CALCOCO2: variants seen among roughly 807,000 people sequenced by gnomAD.
CALCOCO2 encodes calcium-binding and coiled-coil domain-containing protein 2.
Under a neutral mutation model 62.5 loss-of-function variants are expected in CALCOCO2, and 42 were observed. The observed-to-expected ratio is 0.67, with a 90% CI of 0.53 to 0.87. CALCOCO2 has a LOEUF of 0.87. Among genes scored for constraint, CALCOCO2 ranks in the 40% least tolerant of loss-of-function variants. The pLI, the probability that CALCOCO2 is intolerant of heterozygous loss-of-function variation, is 0.00. For missense variants in CALCOCO2, 456 were observed against 515.0 expected, an observed-to-expected ratio of 0.89 and a Z score of 1.11; for synonymous variants, 167 against 173.0, an observed-to-expected ratio of 0.97 and a Z score of 0.27.
chr17:48,836,869 T>G (rs2039901039), intron 1 of CALCOCO2, among the ~76,000 whole-genome samples: 1 of 151,876 alleles, frequency 6.6e-6, no homozygotes, highest in Admixed American at 6.6e-5. Context: ...TTCAAGCTAT[T>G]CTGCCTCAGC....
chr17:48,844,969 C>G (rs1280655304), intron 2 of CALCOCO2, among the ~76,000 whole-genome samples: 5 of 152,188 alleles, frequency 3.3e-5, no homozygotes, highest in South Asian at 4.1e-4. Context: ...AACCCCATCT[C>G]TACTAAAAAT....
chr17:48,857,784 C>T (rs1399369688), intron 10 of CALCOCO2, among the ~76,000 whole-genome samples: 1 of 148,456 alleles, frequency 6.7e-6, no homozygotes, highest in East Asian at 2.1e-4. Flanking sequence ...ACCATCCTGG[C>T]TAACACAGTG....
At chr17:48,850,917 T>TAA (rs35936083) in intron 5 of CALCOCO2, 172 bp from the exon 6 acceptor site, 189 of 358,612 alleles carry the variant, frequency 5.3e-4, no homozygotes, top group Non-Finnish European at 6.8e-4. Context: ...GACACTGTCT[T>TAA]AAAAAAAAAA....
chr17:48,864,515 C>G lies in CALCOCO2; in HGVS notation c.*1510C>G, dbSNP rs2040368817. The stretch of plus-strand genomic sequence containing the variant: ...AAGTAATAATTCCATTTTCTATCCC[C>G]TCAGGGACTGAACAAATGGAAATAA... On this transcript the variant is annotated 3_prime_UTR_variant, in exon 13 of 13. Coordinates refer to ENST00000258947, the MANE Select transcript of CALCOCO2 (RefSeq NM_005831.5). 6.5e-6 allele frequency: 1 copy of G among 153,136 alleles called. No individual in the cohort carries two copies. Among genetic ancestry groups the G allele is most frequent in the South Asian group, 2.1e-4 (1 of 4,860 alleles). 9.5% of individuals were successfully genotyped at this position (153,136 alleles called of 1,614,324 possible). A position where few individuals can be genotyped will look rare whatever the true frequency, so the allele number is the denominator to read the frequency against.
At chr17:48,852,477 C>T in intron 7 of CALCOCO2, 29 bp from the exon 8 acceptor site, 1 of 1,594,710 alleles carries the variant, frequency 6.3e-7, no homozygotes, top group Non-Finnish European at 8.6e-7. Context: ...TCTTTTATAT[C>T]TTGGTTATGT....
intron 10 of CALCOCO2, among the ~76,000 whole-genome samples, chr17:48,859,805 C>G (rs1383413988): frequency 6.6e-6 from 1 of 151,934 alleles, no homozygotes; most frequent in African/African-American, 2.4e-5. Flanking sequence ...TATTTAAATT[C>G]AGGTATAGGC....
At chr17:48,858,338 G>A (rs757440292) in intron 10 of CALCOCO2, among the ~76,000 whole-genome samples, 92 of 151,798 alleles carry the variant, frequency 6.1e-4, no homozygotes, top group Non-Finnish European at 1.1e-3. Flanking sequence ...TGTTTTGTTT[G>A]TTTGTTTGTT....
intron 2 of CALCOCO2, among the ~76,000 whole-genome samples, chr17:48,847,105 A>G (rs1450068181): frequency 6.6e-6 from 1 of 152,202 alleles, no homozygotes; most frequent in East Asian, 1.9e-4. Flanking sequence ...TATCTTTATT[A>G]CCAAAAAGCC....
chr17:48,837,561 G>C (rs540254790), intron 1 of CALCOCO2, among the ~76,000 whole-genome samples: 2 of 152,128 alleles, frequency 1.3e-5, no homozygotes, highest in Admixed American at 1.3e-4. Flanking sequence ...CAGGAGAATT[G>C]CTTGAACCCC....
chr17:48,858,545 G>A (rs1321617595), intron 10 of CALCOCO2, among the ~76,000 whole-genome samples: 1 of 151,968 alleles, frequency 6.6e-6, no homozygotes, highest in Non-Finnish European at 1.5e-5. Flanking sequence ...GCCCAAGCTG[G>A]TGTTGAACTC....
intron 9 of CALCOCO2, among the ~76,000 whole-genome samples, chr17:48,854,241 G>C (rs894150702): frequency 4.8e-5 from 7 of 145,530 alleles, no homozygotes; most frequent in Non-Finnish European, 9.0e-5. Flanking sequence ...GCTTGAACCT[G>C]GGAGGCGGAG....
Position 48,852,623 on chromosome 17 carries a change from G to T in CALCOCO2, c.820G>T (p.Glu274Ter). Residue 274 changes from glutamate to a stop codon, truncating the protein, a stop_gained, in exon 8 of 13, where the codon GAA (glutamate) becomes TAA (stop). Transcript: ENST00000258947. LOFTEE classifies it high-confidence loss of function. The part of the protein sequence containing the change: ...ENDHLFLSLT[E>*]QRKDQKKLEQ... Reference sequence around the variant, plus strand: ...TGACCACCTCTTTCTCAGTTTAACTGAACAGGTAGAGTCATGAGAGAAAAC... The same window carrying T: ...TGACCACCTCTTTCTCAGTTTAACTTAACAGGTAGAGTCATGAGAGAAAAC... 6.2e-7 allele frequency: 1 copy of T among 1,613,636 alleles called. No homozygotes were observed. The highest frequency in any genetic ancestry group is 1.1e-5 in the South Asian group (1 of 91,006).
chr17:48,850,425 C>G (rs978258556), intron 5 of CALCOCO2, among the ~76,000 whole-genome samples: 2 of 152,184 alleles, frequency 1.3e-5, no homozygotes, highest in South Asian at 2.1e-4. Context: ...CCACTGCACT[C>G]CAGCCTGAGC....
chr17:48,862,698 C>T lies in CALCOCO2; in HGVS notation c.1174-140C>T, dbSNP rs541525424. On this transcript the variant is annotated intron_variant, in intron 12 of 12. Coordinates refer to ENST00000258947, the MANE Select transcript of CALCOCO2 (RefSeq NM_005831.5). ...AGCATCTTCAAATGTGCATTCTCTT[C>T]ATTCATTCACTATTTCTTGAGTGCC... 4.1e-5 allele frequency: 28 copies of T among 680,466 alleles called. No individual in the cohort carries two copies. The South Asian group carries it at 4.9e-4, about 12-fold the overall frequency. 42.2% of individuals were successfully genotyped at this position (680,466 alleles called of 1,614,324 possible). A position where few individuals can be genotyped will look rare whatever the true frequency, so the allele number is the denominator to read the frequency against.
intron 10 of CALCOCO2, among the ~76,000 whole-genome samples, chr17:48,856,905 C>T (rs1399794523): frequency 4.6e-5 from 7 of 151,574 alleles, no homozygotes; most frequent in South Asian, 2.1e-4. Flanking sequence ...CTCAAGTGAT[C>T]GTCCTGCCAC....
rs1169441639 is a variant in CALCOCO2, at chr17:48,864,101, T to C, written c.*1096T>C. On this transcript the variant is annotated 3_prime_UTR_variant, in exon 13 of 13. Coordinates refer to ENST00000258947, the MANE Select transcript of CALCOCO2 (RefSeq NM_005831.5). Reference sequence around the variant, plus strand: ...TTTTTTTTTTGAAACAGTCTCTCTCTGTCACCCAGGCTGGCGTGCAATGGC... The same window carrying C: ...TTTTTTTTTTGAAACAGTCTCTCTCCGTCACCCAGGCTGGCGTGCAATGGC... 7 of 145,364 alleles carry C rather than the reference T, an allele frequency of 4.8e-5. No individual in the cohort carries two copies. The highest frequency in any genetic ancestry group is 1.8e-4 in the African/African-American group (7 of 39,768). The allele number at this position is 145,364 out of a possible 1,614,324, so 9.0% of individuals were successfully genotyped here.
chr17:48,834,004 C>T (rs2039854300), intron 1 of CALCOCO2, among the ~76,000 whole-genome samples: 1 of 151,234 alleles, frequency 6.6e-6, no homozygotes, highest in African/African-American at 2.4e-5. Context: ...CCTAGGGTCC[C>T]AGCTACTCCA....
chr17:48,855,743 T>C (rs2040205685), intron 9 of CALCOCO2: 1 of 158,042 alleles, frequency 6.3e-6, no homozygotes. Context: ...AAGATTATTG[T>C]TTTCATGGTT....
intron 12 of CALCOCO2, 145 bp downstream of exon 12, chr17:48,862,449 T>C: frequency 1.4e-6 from 1 of 699,890 alleles, no homozygotes; most frequent in Non-Finnish European, 2.6e-6. Flanking sequence ...GGCCCAAGGC[T>C]GAGCCAGCCT....
Sources: gnomAD v4.1 joint callset for allele counts (sites outside exome capture counted in the v4.1 genomes callset) on GRCh38, gnomAD v4.1.1 for gene constraint, MANE v1.5 for transcripts, NCBI Gene and HGNC (gene_info 2026-07-23, HGNC 2026-07-21) for gene names.